Variants in OTUD7A observed in about 807,000 individuals in gnomAD.
OTUD7A encodes the protein OTU deubiquitinase 7A.
In OTUD7A, 12 loss-of-function variants were observed where a neutral mutation model predicts 65.7. The observed-to-expected ratio is 0.18, with a 90% CI of 0.12 to 0.30. The LOEUF is 0.30. Among genes scored for constraint, OTUD7A ranks in the 10% least tolerant of loss-of-function variants. OTUD7A has a pLI of 1.00. For synonymous variants in OTUD7A, 641 were observed against 586.3 expected, an observed-to-expected ratio of 1.09 and a Z score of -1.35; for missense variants, 1,148 against 1,304.8, an observed-to-expected ratio of 0.88 and a Z score of 1.85.
intron 1 of OTUD7A, among the ~76,000 whole-genome samples, chr15:31,843,413 T>C (rs147014024): frequency 4.7e-4 from 71 of 152,158 alleles, no homozygotes; most frequent in African/African-American, 1.6e-3. Context: ...GTGATCCTTA[T>C]TTCTTTTGAC....
intron 3 of OTUD7A, among the ~76,000 whole-genome samples, chr15:31,592,904 A>AAT (rs1226266359): frequency 0.012 from 702 of 59,312 alleles, 20 homozygotes; most frequent in Middle Eastern, 0.056. Flanking sequence ...AAAAAAAAAA[A>AAT]ATATATATAT....
At chr15:31,563,106 T>C (rs958483511) in intron 4 of OTUD7A, among the ~76,000 whole-genome samples, 2 of 152,166 alleles carry the variant, frequency 1.3e-5, no homozygotes, top group Admixed American at 6.5e-5. Context: ...GATCACAGTA[T>C]GTAACAGCTA....
intron 1 of OTUD7A, among the ~76,000 whole-genome samples, chr15:31,819,895 G>C (rs1307613230): frequency 6.6e-6 from 1 of 151,884 alleles, no homozygotes; most frequent in Non-Finnish European, 1.5e-5. Flanking sequence ...AGTATTTATG[G>C]TTTTGTGATT....
chr15:31,506,472 A>G (rs1034515172), intron 8 of OTUD7A, among the ~76,000 whole-genome samples: 3 of 152,194 alleles, frequency 2.0e-5, no homozygotes, highest in Non-Finnish European at 4.4e-5. Context: ...TAGCATTTAT[A>G]TAAACTTGAG....
At chr15:31,775,113 CA>C (rs1895342332) in intron 1 of OTUD7A, among the ~76,000 whole-genome samples, 3 of 151,878 alleles carry the variant, frequency 2.0e-5, no homozygotes, top group Non-Finnish European at 4.4e-5. Flanking sequence ...CACACACACA[CA>C]CACACCCCTC....
At chr15:31,506,304 G>A (rs1054683181) in intron 8 of OTUD7A, among the ~76,000 whole-genome samples, 1 of 151,566 alleles carries the variant, frequency 6.6e-6, no homozygotes, top group Non-Finnish European at 1.5e-5. Context: ...TTTTGATGGC[G>A]TTTTCAGTGT....
Position 31,628,385 on chromosome 15 carries a change from C to T in OTUD7A, c.151+26711G>A, listed in dbSNP as rs145338951. Among the ~76,000 whole-genome samples the T allele has an allele frequency of 5.2e-3, 791 of 152,194 alleles. 7 individuals carry two copies. Among genetic ancestry groups the T allele is most frequent in the African/African-American group, 0.018 (762 of 41,504 alleles). ...CATTGCTTGTTTCTGTCAGGTTTGT[C>T]GAAGATCAGATGGTTGTAGATATGT... On this transcript the variant is annotated intron_variant, in intron 3 of 12. Transcript: ENST00000307050.
At chr15:31,813,155 G>A (rs1896463345) in intron 1 of OTUD7A, among the ~76,000 whole-genome samples, 1 of 152,188 alleles carries the variant, frequency 6.6e-6, no homozygotes, top group South Asian at 2.1e-4. Context: ...CATGTTAATA[G>A]AGTTCCATTC....
intron 1 of OTUD7A, among the ~76,000 whole-genome samples, chr15:31,681,343 G>C (rs923903837): frequency 1.3e-5 from 2 of 151,552 alleles, no homozygotes; most frequent in Non-Finnish European, 2.9e-5. Flanking sequence ...ACCCACCTAT[G>C]CATGTTTCTG....
rs1238172933 is a variant in OTUD7A, at chr15:31,487,398, C to G, written c.1286+54G>C. The G allele has an allele frequency of 1.9e-6, 3 of 1,594,604 alleles. No homozygotes were observed. The highest frequency in any genetic ancestry group is 2.6e-6 in the Non-Finnish European group (3 of 1,166,274). ...TGGTACATTCCCTCCCCAGGATGCC[C>G]CAGCCATAGCCCTCCCTGTGGGCGC... On this transcript the variant is annotated intron_variant, in intron 11 of 12. Coordinates refer to ENST00000307050, the MANE Select transcript of OTUD7A (RefSeq NM_001382637.1). The surrounding 1 kb of genome is among the most constrained non-coding windows in gnomAD (Gnocchi z 6.0).
Position 31,530,805 on chromosome 15 carries a change from C to A in OTUD7A, c.554G>T (p.Arg185Leu). Residue 185 changes from arginine to leucine, a missense_variant, in exon 6 of 13, where the codon CGC (arginine) becomes CTC (leucine). Arg to Leu is a moderately radical substitution (Grantham distance 102). Coordinates refer to ENST00000307050, the MANE Select transcript of OTUD7A (RefSeq NM_001382637.1). ...GCACACAGTGGACCACCAGTTCAGGCGACCTGGAAAAGAAGCTCACTTTAG... is the reference window on the plus strand; with the variant it reads ...GCACACAGTGGACCACCAGTTCAGGAGACCTGGAAAAGAAGCTCACTTTAG... Reference protein sequence around the residue: ...ATMVALEQAGRLNWWSTVCTS... With the variant: ...ATMVALEQAGLLNWWSTVCTS... The A allele has an allele frequency of 6.2e-7, 1 of 1,613,118 alleles. No individual in the cohort carries two copies. The highest frequency in any genetic ancestry group is 8.5e-7 in the Non-Finnish European group (1 of 1,179,492).
At chr15:31,616,192 A>G (rs997902447) in intron 3 of OTUD7A, among the ~76,000 whole-genome samples, 1 of 152,214 alleles carries the variant, frequency 6.6e-6, no homozygotes, top group African/African-American at 2.4e-5. Flanking sequence ...ATGTGAAACA[A>G]GGACCTGGGA....
At chr15:31,585,329 G>A (rs1889497084) in intron 3 of OTUD7A, among the ~76,000 whole-genome samples, 2 of 152,196 alleles carry the variant, frequency 1.3e-5, no homozygotes, top group South Asian at 4.1e-4. Context: ...ACATTCATGC[G>A]AGGCGTGGAA....
chr15:31,715,268 T>C (rs1168255995), intron 1 of OTUD7A, among the ~76,000 whole-genome samples: 1 of 149,414 alleles, frequency 6.7e-6, no homozygotes, highest in Non-Finnish European at 1.5e-5. Flanking sequence ...CACTTCGCTG[T>C]TCCACCTCTG....
At chr15:31,725,361 G>A (rs1260040119) in intron 1 of OTUD7A, among the ~76,000 whole-genome samples, 1 of 152,172 alleles carries the variant, frequency 6.6e-6, no homozygotes, top group Non-Finnish European at 1.5e-5. Context: ...TGTTGTGTGG[G>A]TGTGACTGTA....
intron 1 of OTUD7A, among the ~76,000 whole-genome samples, chr15:31,672,854 T>C (rs566615109): frequency 6.6e-6 from 1 of 152,330 alleles, no homozygotes; most frequent in South Asian, 2.1e-4. Flanking sequence ...TTTTAAAATT[T>C]ACATATTTGG....
At chr15:31,818,162 C>A (rs1005452352) in intron 1 of OTUD7A, among the ~76,000 whole-genome samples, 1 of 152,200 alleles carries the variant, frequency 6.6e-6, no homozygotes, top group African/African-American at 2.4e-5. Context: ...CTCGGACTCC[C>A]AAACTGTGAG....
chr15:31,708,660 G>T (rs565782959), intron 1 of OTUD7A, among the ~76,000 whole-genome samples: 1 of 152,060 alleles, frequency 6.6e-6, no homozygotes, highest in South Asian at 2.1e-4. Context: ...TCCTTAGCAA[G>T]AATATCCTCT....
At chr15:31,518,952 G>A (rs1253331601) in intron 8 of OTUD7A, among the ~76,000 whole-genome samples, 5 of 152,246 alleles carry the variant, frequency 3.3e-5, no homozygotes, top group Non-Finnish European at 7.3e-5. Context: ...GAAGGACGGG[G>A]GCCTCCCAGT....
Sources: allele counts gnomAD v4.1 joint callset (sites outside exome capture counted in the v4.1 genomes callset), GRCh38; gene constraint gnomAD v4.1.1; non-coding constraint Gnocchi (gnomAD v3.1); transcripts MANE v1.5; gene names NCBI Gene and HGNC (gene_info 2026-07-23, HGNC 2026-07-21).